The following PTPRD variants were observed in gnomAD, a reference collection of about 807,000 sequenced individuals.
The protein encoded by PTPRD is protein tyrosine phosphatase receptor type D.
In PTPRD, 34 loss-of-function variants were observed where a neutral mutation model predicts 214.5. The observed-to-expected ratio is 0.16, with a 90% CI of 0.12 to 0.21. The LOEUF is 0.21. PTPRD is among the 10% of genes least tolerant of loss of function. The probability of loss-of-function intolerance (pLI) is 1.00; values close to 1 mark genes in which losing one functional copy is unlikely to be tolerated. For synonymous variants in PTPRD, 1,128 were observed against 845.7 expected (o/e 1.33, Z -5.79); for missense variants, 2,545 against 2,398.7 (o/e 1.06, Z -1.27).
At chr9:9,479,367 A>G (rs1039109338) in intron 8 of PTPRD, among the ~76,000 whole-genome samples, 8 of 151,826 alleles carry the variant, frequency 5.3e-5, no homozygotes, top group Admixed American at 5.3e-4. Context: ...ACACACACAC[A>G]CACACATACA....
chr9:9,031,960 A>G (rs532388038), intron 10 of PTPRD, among the ~76,000 whole-genome samples: 2 of 152,148 alleles, frequency 1.3e-5, no homozygotes, highest in Admixed American at 6.6e-5. Flanking sequence ...TTTTATATTT[A>G]TTAAGGATAA....
chr9:8,842,298 A>C lies in PTPRD; in HGVS notation c.-103-108352T>G, dbSNP rs188297098. Among the ~76,000 whole-genome samples the C allele has an allele frequency of 4.0e-5, 6 of 151,386 alleles. No homozygotes were observed. The East Asian group carries it at 1.2e-3, about 30-fold the overall frequency. ...TAGGAGAAAGGGCGACTATGTTTTC[A>C]GATAAAAGGATTATGAGCAAAAGGA... On this transcript the variant is annotated intron_variant, in intron 11 of 45. Transcript: ENST00000381196.
chr9:9,029,777 G>A (rs750940428), intron 10 of PTPRD, among the ~76,000 whole-genome samples: 10 of 151,854 alleles, frequency 6.6e-5, no homozygotes, highest in Non-Finnish European at 1.5e-4. Context: ...CAGGTAGGTG[G>A]CTGAGTCTGA....
At chr9:9,355,022 A>G (rs1324986200) in intron 9 of PTPRD, among the ~76,000 whole-genome samples, 1 of 151,718 alleles carries the variant, frequency 6.6e-6, no homozygotes, top group Non-Finnish European at 1.5e-5. Context: ...TAGAGTATGG[A>G]TGAAGTTGGT....
At chr9:9,841,885 T>G (rs563607121) in intron 5 of PTPRD, among the ~76,000 whole-genome samples, 1 of 152,258 alleles carries the variant, frequency 6.6e-6, no homozygotes, top group African/African-American at 2.4e-5. Context: ...TCTGTTGGAT[T>G]TTTCTTCTTA....
chr9:10,104,841 C>T (rs888884278), intron 3 of PTPRD, among the ~76,000 whole-genome samples: 1 of 151,868 alleles, frequency 6.6e-6, no homozygotes, highest in Non-Finnish European at 1.5e-5. Context: ...TGGTCCTTAG[C>T]ATAGACGATG....
At position 10,518,619 on chromosome 9, in the gene PTPRD, G is replaced by A. The variant is rs893366473; in HGVS notation, c.-600+93779C>T. ...CCAATCTTGGCTCACTTCAAGCTCC[G>A]CCTCCCAGGTTCACGCCATTCTGCT... On this transcript the variant is annotated intron_variant, in intron 2 of 45. Transcript: ENST00000381196. 9.3e-5 allele frequency among the ~76,000 whole-genome samples: 14 copies of A among 151,088 alleles called. No homozygotes were observed. In the East Asian group the frequency reaches 1.6e-3, roughly 17 times the overall value.
chr9:9,583,433 G>A (rs1270496479), intron 7 of PTPRD, among the ~76,000 whole-genome samples: 1 of 151,940 alleles, frequency 6.6e-6, no homozygotes, highest in Non-Finnish European at 1.5e-5. Context: ...ATCTATAAAT[G>A]GGTGCATTCC....
chr9:10,285,322 T>G (rs539047422), intron 3 of PTPRD, among the ~76,000 whole-genome samples: 6 of 152,172 alleles, frequency 3.9e-5, no homozygotes, highest in African/African-American at 7.2e-5. Flanking sequence ...ACTGCATTTT[T>G]TATTTATTTT....
intron 12 of PTPRD, among the ~76,000 whole-genome samples, chr9:8,642,651 G>C (rs963689085): frequency 2.0e-5 from 3 of 150,418 alleles, no homozygotes; most frequent in Non-Finnish European, 4.4e-5. Context: ...GTGCATAGCA[G>C]AAGAGTGAGG....
chr9:9,312,460 ATG>A (rs1959363782), intron 9 of PTPRD, among the ~76,000 whole-genome samples: 1 of 152,152 alleles, frequency 6.6e-6, no homozygotes, highest in African/African-American at 2.4e-5. Context: ...AGAGAAAAAA[ATG>A]TATTTCTGGC....
At chr9:9,640,683 G>C (rs1372377361) in intron 7 of PTPRD, among the ~76,000 whole-genome samples, 1 of 152,136 alleles carries the variant, frequency 6.6e-6, no homozygotes, top group Non-Finnish European at 1.5e-5. Flanking sequence ...ATTTAAAATG[G>C]ACCAATCATC....
intron 12 of PTPRD, among the ~76,000 whole-genome samples, chr9:8,687,688 C>T (rs2097710800): frequency 6.6e-6 from 1 of 150,640 alleles, no homozygotes; most frequent in Non-Finnish European, 1.5e-5. Context: ...GGAAAAAAGG[C>T]AAATATTAAA....
intron 36 of PTPRD, among the ~76,000 whole-genome samples, chr9:8,392,181 C>G (rs2089815195): frequency 6.6e-6 from 1 of 151,948 alleles, no homozygotes; most frequent in Admixed American, 6.6e-5. Flanking sequence ...GCCCAGGAGT[C>G]TGAGCCAGTC....
intron 5 of PTPRD, among the ~76,000 whole-genome samples, chr9:9,918,504 ATC>A (rs2081604520): frequency 6.6e-6 from 1 of 152,110 alleles, no homozygotes; most frequent in South Asian, 2.1e-4. Context: ...ATTCGATTAA[ATC>A]TCTATCAAAA....
intron 3 of PTPRD, among the ~76,000 whole-genome samples, chr9:10,173,411 C>G (rs902719349): frequency 6.6e-6 from 1 of 152,066 alleles, no homozygotes; most frequent in Non-Finnish European, 1.5e-5. Context: ...CGTAGTGACT[C>G]ACAGCTAGTA....
intron 2 of PTPRD, among the ~76,000 whole-genome samples, chr9:10,460,487 C>T (rs1792672707): frequency 6.6e-6 from 1 of 150,420 alleles, no homozygotes; most frequent in Non-Finnish European, 1.5e-5. Context: ...TATTACAAAG[C>T]TATAGCAATC....
intron 5 of PTPRD, among the ~76,000 whole-genome samples, chr9:9,894,992 G>A (rs1049612048): frequency 2.0e-5 from 3 of 151,880 alleles, no homozygotes; most frequent in African/African-American, 7.3e-5. Context: ...AATCTTTCTA[G>A]AAAAAAGCAA....
At chr9:10,152,509 G>A in intron 3 of PTPRD, among the ~76,000 whole-genome samples, 1 of 152,046 alleles carries the variant, frequency 6.6e-6, no homozygotes, top group East Asian at 1.9e-4. Flanking sequence ...TATACATAGT[G>A]GAATATTATT....
Sources: allele counts gnomAD v4.1 joint callset (sites outside exome capture counted in the v4.1 genomes callset), GRCh38; gene constraint gnomAD v4.1.1; transcripts MANE v1.5; gene names NCBI Gene and HGNC (gene_info 2026-07-23, HGNC 2026-07-21).